The following SORCS2 variants were observed in gnomAD, a reference collection of about 807,000 sequenced individuals.
SORCS2 encodes sortilin related VPS10 domain containing receptor 2.
Under a neutral mutation model 141.6 loss-of-function variants are expected in SORCS2, and 100 were observed. That is an observed-to-expected ratio of 0.71 (90% CI 0.60 to 0.83). SORCS2 has a LOEUF of 0.83. Among genes scored for constraint, SORCS2 ranks in the 40% least tolerant of loss-of-function variants. SORCS2 has a pLI of 0.00. For synonymous variants in SORCS2, 789 were observed against 676.9 expected (o/e 1.17, Z -2.57); for missense variants, 1,646 against 1,560.2 (o/e 1.05, Z -0.93).
At chr4:7,521,113 G>C (rs1465828702) in intron 2 of SORCS2, among the ~76,000 whole-genome samples, 1 of 152,142 alleles carries the variant, frequency 6.6e-6, no homozygotes, top group African/African-American at 2.4e-5. Flanking sequence ...CTCCTGTTCT[G>C]AAGTGATAGT....
chr4:7,437,613 G>A (rs1189310242), intron 2 of SORCS2, among the ~76,000 whole-genome samples: 1 of 152,222 alleles, frequency 6.6e-6, no homozygotes, highest in East Asian at 1.9e-4. Context: ...AAACTCAGGT[G>A]TGGTCAGAGG....
At chr4:7,650,004 G>A (rs1012712380) in intron 4 of SORCS2, among the ~76,000 whole-genome samples, 12 of 152,202 alleles carry the variant, frequency 7.9e-5, no homozygotes, top group African/African-American at 2.4e-4. Flanking sequence ...TGATGTGCCC[G>A]TTATGCAGAT....
At chr4:7,445,218 C>G (rs1201575260) in intron 2 of SORCS2, among the ~76,000 whole-genome samples, 1 of 152,194 alleles carries the variant, frequency 6.6e-6, no homozygotes, top group East Asian at 1.9e-4. Context: ...CAGAGGCACC[C>G]TTGCAACAGA....
At chr4:7,640,727 C>T (rs1314108850) in intron 4 of SORCS2, among the ~76,000 whole-genome samples, 2 of 152,054 alleles carry the variant, frequency 1.3e-5, no homozygotes, top group Non-Finnish European at 2.9e-5. Flanking sequence ...TTGGGGGCCA[C>T]TCTGAACCTA....
chr4:7,722,238 C>T (rs561804953), intron 18 of SORCS2, among the ~76,000 whole-genome samples: 2 of 152,176 alleles, frequency 1.3e-5, no homozygotes, highest in Non-Finnish European at 2.9e-5. Flanking sequence ...GCACAGGAAA[C>T]ACTTCCCTCC....
intron 1 of SORCS2, among the ~76,000 whole-genome samples, chr4:7,337,780 C>G (rs902271754): frequency 3.3e-5 from 5 of 152,214 alleles, no homozygotes; most frequent in Non-Finnish European, 5.9e-5. Context: ...CAGGGTTTGT[C>G]TGGCCACCTG....
intron 4 of SORCS2, among the ~76,000 whole-genome samples, chr4:7,651,892 C>T (rs879340590): frequency 1.3e-5 from 2 of 152,192 alleles, no homozygotes; most frequent in Admixed American, 1.3e-4. Context: ...CTTCTTAGGC[C>T]ATGGAAACAT....
chr4:7,655,931 A>T (rs1721744730), intron 5 of SORCS2, among the ~76,000 whole-genome samples: 1 of 152,224 alleles, frequency 6.6e-6, no homozygotes. Context: ...ACGTGTTATT[A>T]TCTCAGGCAA....
intron 1 of SORCS2, among the ~76,000 whole-genome samples, chr4:7,200,516 C>T (rs1043293625): frequency 9.9e-5 from 15 of 152,282 alleles, no homozygotes; most frequent in East Asian, 3.9e-4. Context: ...ACTACCAACC[C>T]GGACGTTGTT....
chr4:7,218,306 CT>C (rs1728498051), intron 1 of SORCS2, among the ~76,000 whole-genome samples: 4 of 152,306 alleles, frequency 2.6e-5, no homozygotes, highest in African/African-American at 9.6e-5. Context: ...TCGCCTTCTT[CT>C]CCTCGATCAC....
rs540389080 is a variant in SORCS2, at chr4:7,667,060, T to C, written c.1072-64T>C. The C allele has an allele frequency of 1.8e-5, 25 of 1,414,592 alleles. No homozygotes were observed. In the Admixed American group the frequency reaches 4.1e-4, roughly 23 times the overall value. The allele number at this position is 1,414,592 out of a possible 1,614,324, so 87.6% of individuals were successfully genotyped here. ...GCTGAATATAACATGTAGTTTTTCA[T>C]TCATGAGACTGTGGCTGGAGAGGGA... On this transcript the variant is annotated intron_variant, in intron 7 of 26. Transcript: ENST00000507866.
intron 8 of SORCS2, among the ~76,000 whole-genome samples, chr4:7,672,357 G>T (rs572975588): frequency 6.6e-6 from 1 of 152,320 alleles, no homozygotes; most frequent in African/African-American, 2.4e-5. Context: ...GAACCCCGGA[G>T]TTCAGAAGGC....
intron 8 of SORCS2, among the ~76,000 whole-genome samples, chr4:7,669,876 C>G (rs887235840): frequency 6.6e-6 from 1 of 152,194 alleles, no homozygotes; most frequent in Non-Finnish European, 1.5e-5. Context: ...TTGAATGATG[C>G]GTGATATCTA....
In SORCS2 at chr4:7,273,958, C is replaced by T. The variant is rs545335461; in HGVS notation, c.480+80832C>T. On this transcript the variant is annotated intron_variant, in intron 1 of 26. Transcript: ENST00000507866. ...TCTGACATGGAGACAATGTGGCCTC[C>T]GCACATCCCTCACAGGCGGAACAGA... Among the ~76,000 whole-genome samples, 63 of 152,328 alleles carry T rather than the reference C, an allele frequency of 4.1e-4. 1 individual carries two copies. In the South Asian group the frequency reaches 4.6e-3, roughly 11 times the overall value.
intron 1 of SORCS2, among the ~76,000 whole-genome samples, chr4:7,228,997 G>A (rs1180626465): frequency 6.6e-6 from 1 of 152,208 alleles, no homozygotes; most frequent in Non-Finnish European, 1.5e-5. Context: ...GGACTTGCGT[G>A]AGGCCTGCCG....
At chr4:7,262,367 T>C (rs1389243229) in intron 1 of SORCS2, among the ~76,000 whole-genome samples, 12 of 126,710 alleles carry the variant, frequency 9.5e-5, no homozygotes, top group Admixed American at 5.8e-4. Flanking sequence ...TCCACCCACC[T>C]ATCCATCTAT....
At chr4:7,362,260 C>T (rs1222371334) in intron 1 of SORCS2, among the ~76,000 whole-genome samples, 1 of 152,100 alleles carries the variant, frequency 6.6e-6, no homozygotes, top group Non-Finnish European at 1.5e-5. Context: ...ACATAAGGAT[C>T]CCTGGTGTTT....
At position 7,664,199 on chromosome 4, in the gene SORCS2, C is replaced by T. The variant is rs555503294; in HGVS notation, c.953-154C>T. Reference sequence around the variant, plus strand: ...CCACAGTGAGCGAGGATGACACCCTCAGCCGCAGGTGTCATCACGGTGGCC... The same window carrying T: ...CCACAGTGAGCGAGGATGACACCCTTAGCCGCAGGTGTCATCACGGTGGCC... On this transcript the variant is annotated intron_variant, in intron 6 of 26. Transcript: ENST00000507866. The surrounding 1 kb of genome is among the most constrained non-coding windows in gnomAD (Gnocchi z 4.7). 6.6e-6 allele frequency among the ~76,000 whole-genome samples: 1 copy of T among 152,252 alleles called. No individual in the cohort carries two copies. Among genetic ancestry groups the T allele is most frequent in the Admixed American group, 6.5e-5 (1 of 15,304 alleles).
At chr4:7,619,529 C>T (rs1719008852) in intron 3 of SORCS2, among the ~76,000 whole-genome samples, 1 of 152,178 alleles carries the variant, frequency 6.6e-6, no homozygotes, top group Non-Finnish European at 1.5e-5. Flanking sequence ...TCCAGATGTG[C>T]AGGGTCTTCT....
Sources: allele counts gnomAD v4.1 joint callset (sites outside exome capture counted in the v4.1 genomes callset), GRCh38; gene constraint gnomAD v4.1.1; non-coding constraint Gnocchi (gnomAD v3.1); transcripts MANE v1.5; gene names NCBI Gene and HGNC (gene_info 2026-07-23, HGNC 2026-07-21).